Variants in CD9 observed in about 807,000 individuals in gnomAD.
CD9 encodes the protein CD9 antigen.
In CD9, 10 loss-of-function variants were observed where a neutral mutation model predicts 31.4. The observed-to-expected ratio is 0.32, with a 90% CI of 0.20 to 0.54. The LOEUF (loss-of-function observed/expected upper bound fraction) is 0.54. Ranked by LOEUF, CD9 falls within the 20% of genes least tolerant of loss-of-function variation. The pLI is 0.94. For synonymous variants in CD9, 113 were observed against 114.1 expected (o/e 0.99, Z 0.06); for missense variants, 259 against 300.1 (o/e 0.86, Z 1.01).
intron 6 of CD9, 126 bp downstream of exon 6, chr12:6,235,691 G>C: frequency 6.9e-7 from 1 of 1,439,852 alleles, no homozygotes; most frequent in East Asian, 2.5e-5. Flanking sequence ...AGGGCCCCAG[G>C]GCACCCATCT....
chr12:6,201,337 A>G (rs958132305), intron 1 of CD9, among the ~76,000 whole-genome samples: 1 of 152,202 alleles, frequency 6.6e-6, no homozygotes, highest in African/African-American at 2.4e-5. Flanking sequence ...GCAGATACCT[A>G]TCTGCGCCTC....
At chr12:6,223,497 G>C (rs1388605039) in intron 1 of CD9, among the ~76,000 whole-genome samples, 1 of 152,078 alleles carries the variant, frequency 6.6e-6, no homozygotes, top group South Asian at 2.1e-4. Context: ...TCCTGACCTC[G>C]TGATCCACCC....
intron 2 of CD9, among the ~76,000 whole-genome samples, chr12:6,228,572 A>C (rs966267199): frequency 6.6e-6 from 1 of 151,566 alleles, no homozygotes; most frequent in East Asian, 1.9e-4. Context: ...AAAAAAAAAA[A>C]AAAAAAAAAC....
chr12:6,225,523 G>C lies in CD9; in HGVS notation c.164G>C (p.Ser55Thr), dbSNP rs754154783. 3.7e-6 allele frequency: 6 copies of C among 1,600,288 alleles called. No individual in the cohort carries two copies. The highest frequency in any genetic ancestry group is 5.1e-6 in the Non-Finnish European group (6 of 1,167,550). The part of the protein sequence containing the change: ...FEQETNNNNS[S>T]FYTGVYILIG... The stretch of plus-strand genomic sequence containing the variant: ...CAAGAAACTAATAATAATAATTCCA[G>C]CTTCTACACAGGTGAGGGACGGGGA... The change falls in exon 2 of 8, where the codon AGC (serine) becomes ACC (threonine). Residue 55 changes from serine (S) to threonine (T), a missense_variant. Transcript: ENST00000009180.
At chr12:6,230,953 G>A (rs918006155) in intron 2 of CD9, among the ~76,000 whole-genome samples, 6 of 152,234 alleles carry the variant, frequency 3.9e-5, no homozygotes, top group African/African-American at 9.6e-5. Flanking sequence ...TGTGCTGCCC[G>A]TGAGCCTCAG....
intron 2 of CD9, among the ~76,000 whole-genome samples, chr12:6,230,586 A>C (rs1565427839): frequency 6.6e-6 from 1 of 152,220 alleles, no homozygotes; most frequent in Non-Finnish European, 1.5e-5. Flanking sequence ...CAAAGGAGTG[A>C]CCTCATCCTT....
chr12:6,228,223 G>A (rs1946394468), intron 2 of CD9, among the ~76,000 whole-genome samples: 1 of 152,122 alleles, frequency 6.6e-6, no homozygotes, highest in African/African-American at 2.4e-5. Flanking sequence ...GATGATGCAC[G>A]GTAAAGTTAG....
At chr12:6,202,306 C>A (rs150702415) in intron 1 of CD9, among the ~76,000 whole-genome samples, 1 of 152,288 alleles carries the variant, frequency 6.6e-6, no homozygotes, top group East Asian at 1.9e-4. Flanking sequence ...ACCCCTCCTC[C>A]TGTGTTGCCA....
At chr12:6,223,600 C>A (rs572981000) in intron 1 of CD9, among the ~76,000 whole-genome samples, 7 of 152,038 alleles carry the variant, frequency 4.6e-5, no homozygotes, top group African/African-American at 1.7e-4. Flanking sequence ...TGGGGGGGGA[C>A]CCAGGCCAGG....
At chr12:6,211,248 T>G (rs575431182) in intron 1 of CD9, among the ~76,000 whole-genome samples, 12 of 152,088 alleles carry the variant, frequency 7.9e-5, no homozygotes, top group African/African-American at 2.9e-4. Context: ...GTGCTTAGGG[T>G]GGGGTTGTGG....
intron 4 of CD9, among the ~76,000 whole-genome samples, chr12:6,233,912 A>C (rs990673761): frequency 4.0e-5 from 6 of 149,900 alleles, no homozygotes; most frequent in Non-Finnish European, 7.4e-5. Context: ...GCTGCCCCCA[A>C]GCCTGTGCAG....
At chr12:6,223,322 C>A (rs1047685827) in intron 1 of CD9, among the ~76,000 whole-genome samples, 2 of 150,184 alleles carry the variant, frequency 1.3e-5, no homozygotes, top group African/African-American at 4.9e-5. Context: ...AGTGCAGTGG[C>A]GCAATCTCCG....
intron 2 of CD9, among the ~76,000 whole-genome samples, chr12:6,227,990 A>G (rs1207453751): frequency 6.6e-6 from 1 of 152,176 alleles, no homozygotes; most frequent in Non-Finnish European, 1.5e-5. Context: ...CCTGCAGGTC[A>G]TTGCAGGGCC....
chr12:6,207,030 C>G (rs1188198342), intron 1 of CD9, among the ~76,000 whole-genome samples: 5 of 152,042 alleles, frequency 3.3e-5, no homozygotes, highest in Admixed American at 3.3e-4. Context: ...GCTGGGACTA[C>G]AGCACACACC....
chr12:6,224,067 C>T (rs993296817), intron 1 of CD9, among the ~76,000 whole-genome samples: 3 of 152,150 alleles, frequency 2.0e-5, no homozygotes. Flanking sequence ...GGCTGAGAGG[C>T]TGAGAAGATG....
chr12:6,213,978 A>G (rs1318966518), intron 1 of CD9, among the ~76,000 whole-genome samples: 1 of 152,146 alleles, frequency 6.6e-6, no homozygotes, highest in Non-Finnish European at 1.5e-5. Flanking sequence ...CAACACGTCC[A>G]AGCCTCCCAC....
intron 1 of CD9, among the ~76,000 whole-genome samples, chr12:6,201,471 A>G (rs2136595064): frequency 6.6e-6 from 1 of 152,350 alleles, no homozygotes. Context: ...ACCCAAGGCC[A>G]GGCAGGGCGC....
rs542610412 is a variant in CD9 at position 6,200,443 on chromosome 12, G to T, written c.-57G>T. 5.3e-5 allele frequency: 63 copies of T among 1,178,656 alleles called. 2 individuals carry two copies. The South Asian group carries it at 7.8e-4, about 15-fold the overall frequency. The allele number at this position is 1,178,656 out of a possible 1,614,324, so 73.0% of individuals were successfully genotyped here. On this transcript the variant is annotated 5_prime_UTR_variant, in exon 1 of 8. Coordinates refer to ENST00000009180, the MANE Select transcript of CD9 (RefSeq NM_001769.4). ...CCAGCGCCAGGTCCCGCCAGTCCCA[G>T]CTGCGCGCGCCCCCCAGTCCCGCAC...
At chr12:6,233,631 G>A (rs144944667) in intron 4 of CD9, 145 bp downstream of exon 4, 31 of 664,396 alleles carry the variant, frequency 4.7e-5, no homozygotes, top group African/African-American at 3.9e-4. Context: ...GTGTGCCAGC[G>A]AATGTGCCCT....
Sources: gnomAD v4.1 joint callset for allele counts (sites outside exome capture counted in the v4.1 genomes callset) on GRCh38, gnomAD v4.1.1 for gene constraint, MANE v1.5 for transcripts, NCBI Gene and HGNC (gene_info 2026-07-23, HGNC 2026-07-21) for gene names.